Variants in CTNNA3 observed in about 807,000 individuals in gnomAD.
CTNNA3 encodes catenin alpha-3.
A neutral mutation model predicts 95.7 loss-of-function variants in CTNNA3; 76 were observed. The ratio of observed to expected loss-of-function variants is 0.79; its 90% confidence interval spans 0.66 to 0.96. The LOEUF is 0.96. Ranked by LOEUF, CTNNA3 falls within the 40% of genes least tolerant of loss-of-function variation. CTNNA3 has a pLI of 0.00. For missense variants in CTNNA3, 1,191 were observed against 1,089.8 expected (o/e 1.09, Z -1.31); for synonymous variants, 431 against 374.4 (o/e 1.15, Z -1.74).
intron 15 of CTNNA3, among the ~76,000 whole-genome samples, chr10:66,015,724 C>T (rs1256984333): frequency 1.3e-5 from 2 of 152,128 alleles, no homozygotes; most frequent in Non-Finnish European, 2.9e-5. Context: ...TACATAAATG[C>T]TTATGTGTAA....
chr10:66,127,098 C>T lies in CTNNA3; in HGVS notation c.1885-23849G>A, dbSNP rs180853186. ...CCTGCTGGCTAACACGGTGAAACCC[C>T]GTCTCTACCAAAAATACAAAAAAAT... On this transcript the variant is annotated intron_variant, in intron 13 of 17. Transcript: ENST00000433211. 3.6e-3 allele frequency among the ~76,000 whole-genome samples: 553 copies of T among 151,780 alleles called. 1 individual carries two copies. Among genetic ancestry groups the T allele is most frequent in the African/African-American group, 0.013 (533 of 41,366 alleles).
chr10:67,150,138 C>A (rs1861026365), intron 7 of CTNNA3, among the ~76,000 whole-genome samples: 1 of 152,080 alleles, frequency 6.6e-6, no homozygotes, highest in Non-Finnish European at 1.5e-5. Context: ...GTTACTTAAT[C>A]TAAGGATAAA....
At chr10:66,045,072 A>G (rs1051958929) in intron 15 of CTNNA3, among the ~76,000 whole-genome samples, 1 of 152,220 alleles carries the variant, frequency 6.6e-6, no homozygotes, top group African/African-American at 2.4e-5. Context: ...TCCACTATGC[A>G]TGGTACTTTT....
chr10:67,703,575 GC>G (rs1377371633), intron 1 of CTNNA3, among the ~76,000 whole-genome samples: 2 of 152,086 alleles, frequency 1.3e-5, no homozygotes, highest in Non-Finnish European at 2.9e-5. Context: ...AAATTCAACA[GC>G]CCTTCATGCT....
At chr10:67,224,990 C>T (rs1864829228) in intron 5 of CTNNA3, among the ~76,000 whole-genome samples, 1 of 152,180 alleles carries the variant, frequency 6.6e-6, no homozygotes, top group South Asian at 2.1e-4. Flanking sequence ...AGTTCTCAAG[C>T]CCAGCTTGCC....
chr10:66,572,176 A>G (rs1335454140), intron 10 of CTNNA3, among the ~76,000 whole-genome samples: 1 of 152,050 alleles, frequency 6.6e-6, no homozygotes, highest in African/African-American at 2.4e-5. Flanking sequence ...TGAGGTCAGG[A>G]GTTCAAGACC....
At chr10:67,404,252 A>G (rs1845045503) in intron 5 of CTNNA3, among the ~76,000 whole-genome samples, 1 of 152,120 alleles carries the variant, frequency 6.6e-6, no homozygotes, top group Admixed American at 6.6e-5. Context: ...CTAAAAAATG[A>G]ACTTCACTGA....
chr10:66,098,926 A>C (rs1284982175), intron 14 of CTNNA3: 1 of 152,206 alleles, frequency 6.6e-6, no homozygotes, highest in Non-Finnish European at 1.5e-5. Flanking sequence ...GTTCTCATTG[A>C]CCACAGACTC....
intron 10 of CTNNA3, among the ~76,000 whole-genome samples, chr10:66,585,870 C>A (rs950079432): frequency 6.6e-6 from 1 of 151,790 alleles, no homozygotes; most frequent in Non-Finnish European, 1.5e-5. Context: ...TTTTATGGTT[C>A]CTTCTCATTT....
At position 66,122,540 on chromosome 10, in the gene CTNNA3, T is replaced by A. The variant is rs184488684; in HGVS notation, c.1885-19291A>T. The stretch of plus-strand genomic sequence containing the variant: ...TACCAAGAAAGTACAGCCAAGCATA[T>A]TATATTCAACTACAGAAAACCAAAG... On this transcript the variant is annotated intron_variant, in intron 13 of 17. Transcript: ENST00000433211. Among the ~76,000 whole-genome samples the A allele has an allele frequency of 5.9e-5, 9 of 152,242 alleles. No individual in the cohort carries two copies. In the East Asian group the frequency reaches 1.5e-3, roughly 26 times the overall value.
intron 13 of CTNNA3, among the ~76,000 whole-genome samples, chr10:66,143,749 T>C (rs1025502831): frequency 2.0e-4 from 30 of 152,154 alleles, no homozygotes; most frequent in African/African-American, 7.2e-4. Context: ...TAACCGCAGG[T>C]GGTCCCAGGA....
intron 2 of CTNNA3, among the ~76,000 whole-genome samples, chr10:67,632,873 G>C (rs554599032): frequency 1.3e-5 from 2 of 152,058 alleles, no homozygotes; most frequent in Non-Finnish European, 1.5e-5. Flanking sequence ...TAAAACCAGG[G>C]AGCCAAACAG....
chr10:66,546,382 A>G (rs1211174722), intron 10 of CTNNA3, among the ~76,000 whole-genome samples: 2 of 152,164 alleles, frequency 1.3e-5, no homozygotes, highest in African/African-American at 4.8e-5. Flanking sequence ...CATCATAATA[A>G]TCATAATAAT....
intron 13 of CTNNA3, among the ~76,000 whole-genome samples, chr10:66,246,978 G>A (rs899074525): frequency 5.3e-5 from 8 of 149,550 alleles, no homozygotes; most frequent in South Asian, 2.1e-4. Context: ...ACTTGAACCC[G>A]GGAGGAGGTT....
rs1349906066 is a variant in CTNNA3 at position 65,913,643 on chromosome 10, T to A, written c.*6687A>T. On this transcript the variant is annotated 3_prime_UTR_variant, in exon 18 of 18. Transcript: ENST00000433211. Reference sequence around the variant, plus strand: ...AGATTTGGCAAGCAATGGAACATGATTTTTATAGTAGTTTAAAATTAATTT... The same window carrying A: ...AGATTTGGCAAGCAATGGAACATGAATTTTATAGTAGTTTAAAATTAATTT... The A allele has an allele frequency of 6.6e-6, 1 of 152,132 alleles. No individual in the cohort carries two copies. Among genetic ancestry groups the A allele is most frequent in the Non-Finnish European group, 1.5e-5 (1 of 68,026 alleles). 9.4% of individuals were successfully genotyped at this position (152,132 alleles called of 1,614,324 possible).
At chr10:67,186,316 A>G (rs1401854681) in intron 6 of CTNNA3, among the ~76,000 whole-genome samples, 1 of 152,136 alleles carries the variant, frequency 6.6e-6, no homozygotes, top group Admixed American at 6.6e-5. Context: ...ATGTTAGTAA[A>G]TAGCCTATAT....
At chr10:66,976,938 C>T (rs929851529) in intron 7 of CTNNA3, among the ~76,000 whole-genome samples, 3 of 152,072 alleles carry the variant, frequency 2.0e-5, no homozygotes, top group Non-Finnish European at 4.4e-5. Flanking sequence ...CTGAAATGAA[C>T]CAAAATTTAA....
At chr10:67,570,645 A>T (rs147443125) in intron 3 of CTNNA3, among the ~76,000 whole-genome samples, 1 of 152,262 alleles carries the variant, frequency 6.6e-6, no homozygotes, top group East Asian at 1.9e-4. Flanking sequence ...ACCATGTATA[A>T]ACTGAACTCA....
intron 11 of CTNNA3, among the ~76,000 whole-genome samples, chr10:66,462,409 G>A (rs66508567): frequency 0.11 from 16,284 of 151,814 alleles, 1,181 homozygotes; most frequent in African/African-American, 0.21. Flanking sequence ...TTTATTCTTA[G>A]TGTATAAAAT....
Sources: allele counts gnomAD v4.1 joint callset (sites outside exome capture counted in the v4.1 genomes callset), GRCh38; gene constraint gnomAD v4.1.1; transcripts MANE v1.5; gene names NCBI Gene and HGNC (gene_info 2026-07-23, HGNC 2026-07-21).